The following SPATS2 variants were observed in gnomAD, a reference collection of about 807,000 sequenced individuals.
The protein encoded by SPATS2 is spermatogenesis associated serine rich 2.
A neutral mutation model predicts 63.7 loss-of-function variants in SPATS2; 38 were observed. The ratio of observed to expected loss-of-function variants is 0.60; its 90% CI spans 0.46 to 0.78. The LOEUF is 0.78. Among genes scored for constraint, SPATS2 ranks in the 30% least tolerant of loss-of-function variants. SPATS2 has a pLI of 0.00. For synonymous variants in SPATS2, 207 were observed against 232.9 expected, an observed-to-expected ratio of 0.89 and a Z score of 1.01; for missense variants, 588 against 666.2, an observed-to-expected ratio of 0.88 and a Z score of 1.29.
intron 2 of SPATS2, among the ~76,000 whole-genome samples, chr12:49,398,928 C>G (rs1238898136): frequency 6.6e-6 from 1 of 152,130 alleles, no homozygotes; most frequent in Non-Finnish European, 1.5e-5. Context: ...TCAATGAAAA[C>G]AGCCTGACAA....
At chr12:49,488,899 C>CT (rs1946339664) in intron 4 of SPATS2, among the ~76,000 whole-genome samples, 1 of 152,108 alleles carries the variant, frequency 6.6e-6, no homozygotes. Context: ...GGAAATAGGA[C>CT]TTATTAGGTG....
At chr12:49,378,530 C>G (rs1944151409) in intron 2 of SPATS2, among the ~76,000 whole-genome samples, 1 of 151,994 alleles carries the variant, frequency 6.6e-6, no homozygotes, top group South Asian at 2.1e-4. Flanking sequence ...ATCTCCTGAC[C>G]TCATGATCTG....
chr12:49,462,380 A>G (rs1320633274), intron 3 of SPATS2: 2 of 702,420 alleles, frequency 2.8e-6, no homozygotes, highest in African/African-American at 1.7e-5. Flanking sequence ...GCCCCGTGGC[A>G]GCATCCAGGC....
At chr12:49,443,410 T>C (rs943298437) in intron 2 of SPATS2, among the ~76,000 whole-genome samples, 1 of 152,260 alleles carries the variant, frequency 6.6e-6, no homozygotes. Context: ...TTCTTGTCTA[T>C]ACTTTCACTT....
intron 2 of SPATS2, among the ~76,000 whole-genome samples, chr12:49,381,737 TATC>T (rs1384876550): frequency 1.3e-5 from 2 of 152,162 alleles, no homozygotes; most frequent in African/African-American, 2.4e-5. Flanking sequence ...ATTGATGTAT[TATC>T]ATTGTTTTAT....
At position 49,390,138 on chromosome 12, in the gene SPATS2, C is replaced by T. The variant is rs548387943; in HGVS notation, c.-244+18848C>T. ...CTTCTTTGTCAGCATTAGTGACCAA[C>T]AGTGACTTGAGTCTGAGGAAGAGCT... is the stretch of plus-strand genomic sequence containing the variant. On this transcript the variant is annotated intron_variant, in intron 2 of 13. Transcript: ENST00000552918. The T allele has an allele frequency of 1.3e-4, 193 of 1,542,704 alleles. 3 individuals are homozygous for T. In the South Asian group the frequency reaches 2.1e-3, roughly 17 times the overall value.
At chr12:49,458,905 T>C (rs539444689) in intron 2 of SPATS2, among the ~76,000 whole-genome samples, 1 of 152,296 alleles carries the variant, frequency 6.6e-6, no homozygotes, top group East Asian at 1.9e-4. Flanking sequence ...CTCATTTTGA[T>C]GTTTCAGTTT....
intron 2 of SPATS2, among the ~76,000 whole-genome samples, chr12:49,384,566 A>G (rs1456985947): frequency 2.0e-5 from 3 of 152,202 alleles, no homozygotes; most frequent in Non-Finnish European, 4.4e-5. Context: ...TGTATATATA[A>G]AAGCATGCAT....
chr12:49,380,828 G>A (rs935186855), intron 2 of SPATS2, among the ~76,000 whole-genome samples: 5 of 151,056 alleles, frequency 3.3e-5, no homozygotes, highest in African/African-American at 1.2e-4. Context: ...TACCTGTTTT[G>A]AGTTCTTTTG....
chr12:49,500,309 A>G, intron 9 of SPATS2, 104 bp downstream of exon 9: 1 of 1,248,810 alleles, frequency 8.0e-7, no homozygotes, highest in Non-Finnish European at 1.1e-6. Context: ...CTAACTACAT[A>G]GTAGGAGAGA....
intron 2 of SPATS2, among the ~76,000 whole-genome samples, chr12:49,450,913 G>T (rs1006704835): frequency 1.3e-5 from 2 of 151,290 alleles, no homozygotes; most frequent in African/African-American, 4.9e-5. Flanking sequence ...CTGTTGCTCA[G>T]GCTAGAGTGC....
At chr12:49,412,078 A>G (rs1040221104) in intron 2 of SPATS2, among the ~76,000 whole-genome samples, 2 of 152,146 alleles carry the variant, frequency 1.3e-5, no homozygotes, top group Non-Finnish European at 2.9e-5. Context: ...AGTGGTTATT[A>G]TATGTTAGTG....
chr12:49,450,203 A>G (rs1431520789), intron 2 of SPATS2, among the ~76,000 whole-genome samples: 5 of 149,536 alleles, frequency 3.3e-5, no homozygotes, highest in Admixed American at 2.0e-4. Context: ...TTTTCCAGCC[A>G]CTCTAACAAT....
At chr12:49,392,777 C>T (rs1373982925) in intron 2 of SPATS2, among the ~76,000 whole-genome samples, 4 of 151,466 alleles carry the variant, frequency 2.6e-5, no homozygotes, top group Admixed American at 6.6e-5. Context: ...GTAGGCCGGG[C>T]GCGATGGCTC....
At chr12:49,429,263 T>A (rs1332845719) in intron 2 of SPATS2, among the ~76,000 whole-genome samples, 1 of 152,212 alleles carries the variant, frequency 6.6e-6, no homozygotes, top group Non-Finnish European at 1.5e-5. Flanking sequence ...TTCTTTTTTT[T>A]ATTAAAAAAA....
chr12:49,464,007 G>C (rs1257378335), intron 3 of SPATS2, among the ~76,000 whole-genome samples: 1 of 152,182 alleles, frequency 6.6e-6, no homozygotes, highest in Non-Finnish European at 1.5e-5. Context: ...CCCTATTCCT[G>C]TCTGTGAACT....
chr12:49,442,785 TTAAAAA>T (rs1358168904), intron 2 of SPATS2: 42 of 62,914 alleles, frequency 6.7e-4, no homozygotes, highest in African/African-American at 1.6e-3. Flanking sequence ...CCATGTCTCC[TTAAAAA>T]AAAAAAAAAA....
chr12:49,509,401 C>G (rs1946710754), intron 9 of SPATS2, among the ~76,000 whole-genome samples: 1 of 148,630 alleles, frequency 6.7e-6, no homozygotes, highest in African/African-American at 2.5e-5. Flanking sequence ...CTGCCTGAGT[C>G]TCCCATGCAA....
intron 7 of SPATS2, 59 bp downstream of exon 7, chr12:49,495,061 C>T (rs1260912547): frequency 6.2e-6 from 9 of 1,442,898 alleles, no homozygotes; most frequent in African/African-American, 5.7e-5. Flanking sequence ...GGGTTCTCCT[C>T]GTTGAGAAAG....
Sources: gnomAD v4.1 joint callset for allele counts (sites outside exome capture counted in the v4.1 genomes callset) on GRCh38, gnomAD v4.1.1 for gene constraint, MANE v1.5 for transcripts, NCBI Gene and HGNC (gene_info 2026-07-23, HGNC 2026-07-21) for gene names.